The following PGR variants were observed in gnomAD, a reference collection of about 807,000 sequenced individuals.
PGR encodes nuclear receptor subfamily 3 group C member 3.
A neutral mutation model predicts 76.1 loss-of-function variants in PGR; 25 were observed. That is an observed-to-expected ratio of 0.33 (90% confidence interval 0.24 to 0.46). PGR has a LOEUF of 0.46. PGR is among the 20% of genes least tolerant of loss of function. The probability of loss-of-function intolerance (pLI) is 1.00; values close to 1 mark genes in which losing one functional copy is unlikely to be tolerated. For synonymous variants in PGR, 579 were observed against 535.0 expected, an observed-to-expected ratio of 1.08 and a Z score of -1.14; for missense variants, 1,172 against 1,225.3, an observed-to-expected ratio of 0.96 and a Z score of 0.65.
chr11:101,042,435 G>A (rs1859722486), intron 6 of PGR, among the ~76,000 whole-genome samples: 2 of 151,984 alleles, frequency 1.3e-5, no homozygotes, highest in African/African-American at 4.8e-5. Flanking sequence ...TAAATACTTG[G>A]TTTGACTTAG....
rs2135366960 is a variant in PGR at position 101,032,900 on chromosome 11, G to T, written c.*6216C>A. 1 of 186,634 alleles carries T rather than the reference G, an allele frequency of 5.4e-6. No homozygotes were observed. The highest frequency in any genetic ancestry group is 8.7e-5 in the East Asian group (1 of 11,532). 11.6% of individuals were successfully genotyped at this position (186,634 alleles called of 1,614,324 possible). On this transcript the variant is annotated 3_prime_UTR_variant, in exon 8 of 8. Transcript: ENST00000325455. Reference sequence around the variant, plus strand: ...CAGCACAGTAAAGGCTTCACAGCTAGTTGCTGAGGAATAAAATGATGCCTA... The same window carrying T: ...CAGCACAGTAAAGGCTTCACAGCTATTTGCTGAGGAATAAAATGATGCCTA...
chr11:101,038,880 T>C lies in PGR; in HGVS notation c.*236A>G, dbSNP rs2135375672. ...TTACTTTAACAATTTTAGTACTTTT[T>C]CAATCTTGTAAATTCTTCAAGAAAA... On this transcript the variant is annotated 3_prime_UTR_variant, in exon 8 of 8. Coordinates refer to ENST00000325455, the MANE Select transcript of PGR (RefSeq NM_000926.4). 3 of 428,142 alleles carry C rather than the reference T, an allele frequency of 7.0e-6. No homozygotes were observed. Among genetic ancestry groups the C allele is most frequent in the Non-Finnish European group, 1.3e-5 (3 of 238,772 alleles). 26.5% of individuals were successfully genotyped at this position (428,142 alleles called of 1,614,324 possible). A position where few individuals can be genotyped will look rare whatever the true frequency, so the allele number is the denominator to read the frequency against.
In PGR at chr11:101,035,398, A is replaced by G. The variant is rs538198431; in HGVS notation, c.*3718T>C. 1.3e-5 allele frequency: 3 copies of G among 231,210 alleles called. No homozygotes were observed. Among genetic ancestry groups the G allele is most frequent in the Non-Finnish European group, 2.6e-5 (3 of 116,856 alleles). The allele number at this position is 231,210 out of a possible 1,614,324, so 14.3% of individuals were successfully genotyped here. A position where few individuals can be genotyped will look rare whatever the true frequency, so the allele number is the denominator to read the frequency against. On this transcript the variant is annotated 3_prime_UTR_variant, in exon 8 of 8. Transcript: ENST00000325455. The stretch of plus-strand genomic sequence containing the variant: ...CAGGTATTCACAGCAAAAACTAAAA[A>G]TGTAATAGCCATCCTTCCAAAGCAA...
chr11:101,042,176 G>A (rs1475894373), intron 6 of PGR, 74 bp from the exon 7 acceptor site: 2 of 1,465,852 alleles, frequency 1.4e-6, no homozygotes, highest in East Asian at 2.3e-5. Flanking sequence ...ATATATTTCT[G>A]AGCTATATAA....
chr11:101,041,757 T>C, intron 7 of PGR, 188 bp downstream of exon 7: 1 of 578,654 alleles, frequency 1.7e-6, no homozygotes, highest in Non-Finnish European at 3.0e-6. Flanking sequence ...AAAAGAATAT[T>C]TGAGTGGTCT....
rs950439106 is a variant in PGR, at chr11:101,036,948, C to T, written c.*2168G>A. ...GAGTCCATCACTTAAGCATAAAGGG[C>T]TAATAATATTGTTTTTGTTTCTTGG... On this transcript the variant is annotated 3_prime_UTR_variant, in exon 8 of 8. Transcript: ENST00000325455. The T allele has an allele frequency of 4.9e-6, 1 of 202,870 alleles. No homozygotes were observed. Among genetic ancestry groups the T allele is most frequent in the African/African-American group, 2.3e-5 (1 of 43,624 alleles). The allele number at this position is 202,870 out of a possible 1,614,324, so 12.6% of individuals were successfully genotyped here.
chr11:101,075,218 G>A (rs1299612939), intron 3 of PGR, among the ~76,000 whole-genome samples: 2 of 152,174 alleles, frequency 1.3e-5, no homozygotes, highest in African/African-American at 2.4e-5. Flanking sequence ...AAGCAATGGG[G>A]AAAGGATTCC....
At chr11:101,106,002 G>A (rs1862148076) in intron 2 of PGR, among the ~76,000 whole-genome samples, 1 of 152,204 alleles carries the variant, frequency 6.6e-6, no homozygotes, top group Admixed American at 6.5e-5. Flanking sequence ...AATAAATGGT[G>A]TTGGGAAAAC....
intron 3 of PGR, among the ~76,000 whole-genome samples, chr11:101,077,340 C>T (rs1861162001): frequency 6.6e-6 from 1 of 152,126 alleles, no homozygotes; most frequent in Non-Finnish European, 1.5e-5. Context: ...GCTTGCCTTC[C>T]ATTTTTCAGG....
At chr11:101,064,731 T>A (rs1591383198) in intron 3 of PGR, among the ~76,000 whole-genome samples, 1 of 152,346 alleles carries the variant, frequency 6.6e-6, no homozygotes, top group East Asian at 1.9e-4. Flanking sequence ...TTATTGTCTT[T>A]TCCATCTCCC....
At chr11:101,064,371 A>AAAAAAC (rs1860636326) in intron 3 of PGR, among the ~76,000 whole-genome samples, 1 of 121,022 alleles carries the variant, frequency 8.3e-6, no homozygotes, top group Admixed American at 8.9e-5. Flanking sequence ...AAAAAAAAAA[A>AAAAAAC]CAGCCCCAAC....
Position 101,038,898 on chromosome 11 carries a change from C to T in PGR, c.*218G>A, listed in dbSNP as rs11224565. 0.016 allele frequency: 7,073 copies of T among 449,368 alleles called. 406 individuals carry two copies. The highest frequency in any genetic ancestry group is 0.13 in the African/African-American group (6,472 of 50,346). 27.8% of individuals were successfully genotyped at this position (449,368 alleles called of 1,614,324 possible). On this transcript the variant is annotated 3_prime_UTR_variant, in exon 8 of 8. Transcript: ENST00000325455. ...TACTTTTTCAATCTTGTAAATTCTT[C>T]AAGAAAATATGGGTAAACAAAACAG...
chr11:101,085,550 A>AAAAAAAAAAAAAT (rs1490385932), intron 3 of PGR, among the ~76,000 whole-genome samples: 1 of 145,654 alleles, frequency 6.9e-6, no homozygotes, highest in African/African-American at 2.5e-5. Context: ...AAAAAAAAAA[A>AAAAAAAAAAAAAT]CAAGAACAAA....
intron 3 of PGR, among the ~76,000 whole-genome samples, chr11:101,079,941 G>A (rs1861247463): frequency 6.6e-6 from 1 of 152,142 alleles, no homozygotes; most frequent in African/African-American, 2.4e-5. Flanking sequence ...TCCTGAATCA[G>A]GAGCTTAGGA....
At position 101,039,011 on chromosome 11, in the gene PGR, G is replaced by A. The variant is rs180880826; in HGVS notation, c.*105C>T. 5.3e-5 allele frequency: 42 copies of A among 794,636 alleles called. No individual in the cohort carries two copies. In the African/African-American group the frequency reaches 7.0e-4, roughly 13 times the overall value. The allele number at this position is 794,636 out of a possible 1,614,324, so 49.2% of individuals were successfully genotyped here. A position where few individuals can be genotyped will look rare whatever the true frequency, so the allele number is the denominator to read the frequency against. ...ATTTACACACTATGATGTTATAAAT[G>A]TAAGGCTTTCAGAAGAACATTATAA... On this transcript the variant is annotated 3_prime_UTR_variant, in exon 8 of 8. Transcript: ENST00000325455.
chr11:101,069,067 C>T (rs760887985), intron 3 of PGR, among the ~76,000 whole-genome samples: 5 of 152,050 alleles, frequency 3.3e-5, no homozygotes, highest in Admixed American at 2.6e-4. Flanking sequence ...AAACTATCAT[C>T]GGAGTGAACA....
chr11:101,069,172 G>GAA (rs1030628859), intron 3 of PGR, among the ~76,000 whole-genome samples: 14 of 146,320 alleles, frequency 9.6e-5, no homozygotes, highest in African/African-American at 3.5e-4. Flanking sequence ...AAATTTACAA[G>GAA]AAAAAAAAAA....
chr11:101,085,400 A>C (rs960233237), intron 3 of PGR, among the ~76,000 whole-genome samples: 2 of 151,976 alleles, frequency 1.3e-5, no homozygotes, highest in African/African-American at 4.8e-5. Flanking sequence ...AAACAGACAC[A>C]ACATACCAAA....
intron 3 of PGR, among the ~76,000 whole-genome samples, chr11:101,073,174 T>G (rs1013162897): frequency 6.6e-6 from 1 of 152,174 alleles, no homozygotes; most frequent in South Asian, 2.1e-4. Flanking sequence ...AGAAACTCAC[T>G]CAAAACTGCA....
Sources: gnomAD v4.1 joint callset for allele counts (sites outside exome capture counted in the v4.1 genomes callset) on GRCh38, gnomAD v4.1.1 for gene constraint, MANE v1.5 for transcripts, NCBI Gene and HGNC (gene_info 2026-07-23, HGNC 2026-07-21) for gene names.